Variants in KCTD16 observed in about 807,000 individuals in gnomAD.
KCTD16 encodes BTB/POZ domain-containing protein KCTD16.
In KCTD16, 13 loss-of-function variants were observed where a neutral mutation model predicts 33.2. The ratio of observed to expected loss-of-function variants is 0.39; its 90% CI spans 0.25 to 0.62. The LOEUF (loss-of-function observed/expected upper bound fraction) is 0.62, where lower values mean the gene tolerates loss of function less well. Among genes scored for constraint, KCTD16 ranks in the 20% least tolerant of loss-of-function variants. KCTD16 has a pLI of 0.50. For synonymous variants in KCTD16, 197 were observed against 195.3 expected (o/e 1.01, Z -0.07); for missense variants, 441 against 525.1 (o/e 0.84, Z 1.57).
intron 3 of KCTD16, among the ~76,000 whole-genome samples, chr5:144,438,885 C>G (rs1484417502): frequency 5.3e-5 from 8 of 152,120 alleles, no homozygotes; most frequent in Non-Finnish European, 8.8e-5. Flanking sequence ...AGCCAAAAAG[C>G]CTGTAAGTCA....
At chr5:144,426,722 G>A (rs1026219001) in intron 3 of KCTD16, among the ~76,000 whole-genome samples, 1 of 152,060 alleles carries the variant, frequency 6.6e-6, no homozygotes, top group African/African-American at 2.4e-5. Flanking sequence ...ATCAAGGGAG[G>A]TATCATAGGG....
At chr5:144,411,787 G>C (rs562259238) in intron 3 of KCTD16, among the ~76,000 whole-genome samples, 78 of 152,218 alleles carry the variant, frequency 5.1e-4, no homozygotes, top group Admixed American at 8.5e-4. Context: ...CTATCCATCT[G>C]ACAAGAGATT....
intron 3 of KCTD16, among the ~76,000 whole-genome samples, chr5:144,319,891 T>C (rs1462819590): frequency 6.6e-6 from 1 of 152,156 alleles, no homozygotes; most frequent in Non-Finnish European, 1.5e-5. Flanking sequence ...TTTATGTTGA[T>C]AATTGTATAT....
intron 3 of KCTD16, among the ~76,000 whole-genome samples, chr5:144,433,626 C>A (rs1753514987): frequency 6.6e-6 from 1 of 152,100 alleles, no homozygotes; most frequent in African/African-American, 2.4e-5. Flanking sequence ...GAAGTTTAAA[C>A]ATAGAAAACC....
At chr5:144,314,048 A>G (rs1209074368) in intron 3 of KCTD16, among the ~76,000 whole-genome samples, 1 of 152,200 alleles carries the variant, frequency 6.6e-6, no homozygotes, top group Admixed American at 6.5e-5. Flanking sequence ...TAGAAAGTCT[A>G]CTATGAGGCA....
At chr5:144,361,269 T>C (rs1055602338) in intron 3 of KCTD16, among the ~76,000 whole-genome samples, 1 of 152,112 alleles carries the variant, frequency 6.6e-6, no homozygotes, top group Non-Finnish European at 1.5e-5. Context: ...TTATAATCAT[T>C]TGGGTGTATA....
chr5:144,292,525 C>T (rs1755922668), intron 3 of KCTD16, among the ~76,000 whole-genome samples: 1 of 151,956 alleles, frequency 6.6e-6, no homozygotes, highest in African/African-American at 2.4e-5. Context: ...AGAGGTGAGC[C>T]CTAGACGTGC....
At chr5:144,239,999 G>A (rs1394036326) in intron 3 of KCTD16, among the ~76,000 whole-genome samples, 5 of 152,104 alleles carry the variant, frequency 3.3e-5, no homozygotes, top group Admixed American at 2.0e-4. Context: ...CCAGACATAG[G>A]CTAAGATCTT....
intron 3 of KCTD16, among the ~76,000 whole-genome samples, chr5:144,360,196 A>G (rs1751674757): frequency 6.6e-6 from 1 of 151,982 alleles, no homozygotes; most frequent in Non-Finnish European, 1.5e-5. Context: ...GCACCCATCA[A>G]CCCATCATCT....
intron 2 of KCTD16, among the ~76,000 whole-genome samples, chr5:144,192,781 A>AT (rs940642551): frequency 1.1e-4 from 16 of 152,076 alleles, no homozygotes; most frequent in African/African-American, 2.7e-4. Flanking sequence ...CTCTGTAACC[A>AT]TTTTTTTCCC....
chr5:144,446,165 TGTTA>T (rs959028833), intron 3 of KCTD16, among the ~76,000 whole-genome samples: 2 of 151,970 alleles, frequency 1.3e-5, no homozygotes, highest in South Asian at 2.1e-4. Flanking sequence ...TTTCTGCTTC[TGTTA>T]GTTAGTTGGT....
chr5:144,202,226 C>T (rs1753059539), intron 2 of KCTD16, among the ~76,000 whole-genome samples: 1 of 152,078 alleles, frequency 6.6e-6, no homozygotes, highest in Admixed American at 6.6e-5. Context: ...CGGAGAGCTG[C>T]CAAGAGAGAA....
At chr5:144,307,675 G>C (rs1751643441) in intron 3 of KCTD16, among the ~76,000 whole-genome samples, 1 of 152,198 alleles carries the variant, frequency 6.6e-6, no homozygotes, top group Admixed American at 6.5e-5. Flanking sequence ...AGTCTAGAAT[G>C]CTGCCTCTAG....
Position 144,261,977 on chromosome 5 carries a change from C to T in KCTD16, c.832+54431C>T, listed in dbSNP as rs1406598506. Among the ~76,000 whole-genome samples, 6 of 152,274 alleles carry T rather than the reference C, an allele frequency of 3.9e-5. No individual in the cohort carries two copies. In the East Asian group the frequency reaches 9.7e-4, roughly 25 times the overall value. ...TATTTATCCATTTCATAAATATTTA[C>T]TGAATACTTCATTTGTTGCCACTCA... On this transcript the variant is annotated intron_variant, in intron 3 of 3. Coordinates refer to ENST00000512467, the MANE Select transcript of KCTD16 (RefSeq NM_020768.4).
At chr5:144,440,092 T>G (rs1309759250) in intron 3 of KCTD16, among the ~76,000 whole-genome samples, 1 of 152,162 alleles carries the variant, frequency 6.6e-6, no homozygotes, top group Non-Finnish European at 1.5e-5. Context: ...AGAACTCGGT[T>G]AGACATTCTG....
At chr5:144,400,157 G>A (rs1580932723) in intron 3 of KCTD16, among the ~76,000 whole-genome samples, 1 of 152,332 alleles carries the variant, frequency 6.6e-6, no homozygotes, top group African/African-American at 2.4e-5. Context: ...GGCTTAACCA[G>A]GATACAGTTC....
At chr5:144,249,999 A>T (rs1754654113) in intron 3 of KCTD16, among the ~76,000 whole-genome samples, 1 of 152,202 alleles carries the variant, frequency 6.6e-6, no homozygotes, top group Non-Finnish European at 1.5e-5. Flanking sequence ...TTTAGAGCCA[A>T]ATCAGATTTA....
chr5:144,280,720 C>T (rs563809789), intron 3 of KCTD16, among the ~76,000 whole-genome samples: 24 of 152,202 alleles, frequency 1.6e-4, no homozygotes, highest in African/African-American at 5.5e-4. Context: ...GTCAGGAGAT[C>T]GAGACCATCC....
chr5:144,227,425 G>A (rs185264758), intron 3 of KCTD16, among the ~76,000 whole-genome samples: 1 of 152,318 alleles, frequency 6.6e-6, no homozygotes, highest in East Asian at 1.9e-4. Context: ...AAGAGGCTGG[G>A]AGAAAATGAG....
Sources: allele counts gnomAD v4.1 joint callset (sites outside exome capture counted in the v4.1 genomes callset), GRCh38; gene constraint gnomAD v4.1.1; transcripts MANE v1.5; gene names NCBI Gene and HGNC (gene_info 2026-07-23, HGNC 2026-07-21).